STAG1: variants seen among roughly 807,000 people sequenced by gnomAD.
STAG1 encodes cohesin subunit SA-1.
A neutral mutation model predicts 170.9 loss-of-function variants in STAG1; 26 were observed. The ratio of observed to expected loss-of-function variants is 0.15; its 90% CI spans 0.11 to 0.21. The LOEUF (loss-of-function observed/expected upper bound fraction) is 0.21, where lower values mean the gene tolerates loss of function less well. Ranked by LOEUF, STAG1 falls within the 10% of genes least tolerant of loss-of-function variation. STAG1 has a pLI of 1.00. For synonymous variants in STAG1, 514 were observed against 497.7 expected (o/e 1.03, Z -0.44); for missense variants, 964 against 1,509.5 (o/e 0.64, Z 5.99).
At chr3:136,447,482 A>AT (rs1273792716) in intron 14 of STAG1, among the ~76,000 whole-genome samples, 2 of 152,154 alleles carry the variant, frequency 1.3e-5, no homozygotes, top group East Asian at 3.9e-4. Flanking sequence ...AAATAAAACA[A>AT]TAAAAAAAGA....
chr3:136,365,053 G>A (rs1353799588), intron 25 of STAG1, among the ~76,000 whole-genome samples: 1 of 152,104 alleles, frequency 6.6e-6, no homozygotes, highest in Non-Finnish European at 1.5e-5. Flanking sequence ...TATCAGAAGA[G>A]CAAATAGCTA....
At chr3:136,598,455 C>A (rs1203180318) in intron 4 of STAG1, among the ~76,000 whole-genome samples, 2 of 149,322 alleles carry the variant, frequency 1.3e-5, no homozygotes, top group Non-Finnish European at 3.0e-5. Context: ...GAGACGGAGT[C>A]TCGCTCTGTT....
Position 136,703,066 on chromosome 3 carries a change from CAA to C in STAG1, c.-84+49127_-84+49128del, listed in dbSNP as rs1157305676. Among the ~76,000 whole-genome samples the C allele has an allele frequency of 7.3e-3, 549 of 75,710 alleles. 3 individuals are homozygous for C. The highest frequency in any genetic ancestry group is 0.031 in the South Asian group (71 of 2,318). The allele number at this position is 75,710 out of a possible 152,430, so 49.7% of individuals were successfully genotyped here. A position where few individuals can be genotyped will look rare whatever the true frequency, so the allele number is the denominator to read the frequency against. On this transcript the variant is annotated intron_variant, in intron 1 of 33. Transcript: ENST00000383202. The stretch of plus-strand genomic sequence containing the variant: ...CTGGCAACAGAGGAAGACTCCATCT[CAA>C]AAAAAAAAAAAAAAAAAAAGTAAAG...
chr3:136,716,826 T>G (rs1412959538), intron 1 of STAG1, among the ~76,000 whole-genome samples: 1 of 152,224 alleles, frequency 6.6e-6, no homozygotes. Flanking sequence ...AAGCATAAAC[T>G]TTCCAATTAA....
intron 1 of STAG1, among the ~76,000 whole-genome samples, chr3:136,694,224 A>C (rs1027150877): frequency 2.6e-5 from 4 of 152,172 alleles, no homozygotes; most frequent in Admixed American, 1.3e-4. Flanking sequence ...ATCGTAGGCC[A>C]GAAGCTGAGG....
At chr3:136,468,624 A>C (rs1044425361) in intron 12 of STAG1, among the ~76,000 whole-genome samples, 15 of 152,352 alleles carry the variant, frequency 9.8e-5, no homozygotes, top group African/African-American at 2.6e-4. Context: ...TCCAATCAAC[A>C]GAAAAAGAGG....
intron 1 of STAG1, among the ~76,000 whole-genome samples, chr3:136,716,974 T>G (rs781645389): frequency 6.6e-6 from 1 of 152,248 alleles, no homozygotes; most frequent in Non-Finnish European, 1.5e-5. Flanking sequence ...TTTGGAATGA[T>G]AACAACAACA....
At chr3:136,594,697 G>C (rs1238338281) in intron 4 of STAG1, among the ~76,000 whole-genome samples, 1 of 152,176 alleles carries the variant, frequency 6.6e-6, no homozygotes, top group Non-Finnish European at 1.5e-5. Flanking sequence ...GTAAGGGTCA[G>C]GTGAGTTTAA....
intron 4 of STAG1, among the ~76,000 whole-genome samples, chr3:136,569,761 TTAG>T (rs1359756133): frequency 6.6e-6 from 1 of 151,990 alleles, no homozygotes; most frequent in African/African-American, 2.4e-5. Context: ...TATAAATGGA[TTAG>T]TAGCTTGTTC....
intron 9 of STAG1, among the ~76,000 whole-genome samples, chr3:136,498,257 C>CACACATACAT (rs1553733393): frequency 1.2e-5 from 1 of 83,676 alleles, no homozygotes; most frequent in African/African-American, 6.3e-5. Flanking sequence ...CATACACACA[C>CACACATACAT]ACACACACAC....
At chr3:136,611,865 T>C (rs148264193) in intron 3 of STAG1, among the ~76,000 whole-genome samples, 96 of 151,420 alleles carry the variant, frequency 6.3e-4, no homozygotes, top group African/African-American at 2.3e-3. Flanking sequence ...TTTTTTTTTA[T>C]AAGACAGAGT....
At chr3:136,448,026 A>G (rs560355461) in intron 14 of STAG1, among the ~76,000 whole-genome samples, 6 of 152,256 alleles carry the variant, frequency 3.9e-5, no homozygotes, top group Non-Finnish European at 7.4e-5. Flanking sequence ...TCTAAAATAC[A>G]AGGTATTTTG....
rs1031964674 is a variant in STAG1 at position 136,337,588 on chromosome 3, C to G, written c.*666G>C. ...TGCCCACTTATAAATAAAAATAAAC[C>G]TTTTATTCAAGAGTATATAAAATCT... On this transcript the variant is annotated 3_prime_UTR_variant, in exon 34 of 34. Coordinates refer to ENST00000383202, the MANE Select transcript of STAG1 (RefSeq NM_005862.3). 6.6e-6 allele frequency: 1 copy of G among 152,542 alleles called. No individual in the cohort carries two copies. The highest frequency in any genetic ancestry group is 1.5e-5 in the Non-Finnish European group (1 of 68,022). The allele number at this position is 152,542 out of a possible 1,614,324, so 9.4% of individuals were successfully genotyped here.
intron 1 of STAG1, among the ~76,000 whole-genome samples, chr3:136,747,777 AT>A (rs755574502): frequency 1.7e-3 from 248 of 143,582 alleles, no homozygotes; most frequent in Middle Eastern, 0.011. Context: ...GAATTACGTA[AT>A]TTTTTTTTTT....
intron 9 of STAG1, among the ~76,000 whole-genome samples, chr3:136,488,857 AT>A (rs1331697391): frequency 2.6e-5 from 4 of 152,204 alleles, no homozygotes; most frequent in Admixed American, 6.5e-5. Flanking sequence ...AGTCCTCCAA[AT>A]TTTATGTTTT....
At chr3:136,465,756 C>A (rs1269689267) in intron 12 of STAG1, among the ~76,000 whole-genome samples, 3 of 151,848 alleles carry the variant, frequency 2.0e-5, no homozygotes, top group Non-Finnish European at 4.4e-5. Flanking sequence ...TCTTCCTCAG[C>A]AATAACCAAG....
intron 1 of STAG1, among the ~76,000 whole-genome samples, chr3:136,714,966 T>TATATAA (rs1393561506): frequency 2.0e-5 from 2 of 102,462 alleles, no homozygotes; most frequent in South Asian, 2.8e-4. Context: ...TATATATATT[T>TATATAA]TATATATATA....
chr3:136,622,603 T>A (rs747027545), intron 3 of STAG1, among the ~76,000 whole-genome samples: 4 of 152,178 alleles, frequency 2.6e-5, no homozygotes, highest in Non-Finnish European at 5.9e-5. Context: ...AATCACATCA[T>A]AAAAGCAAAC....
intron 3 of STAG1, among the ~76,000 whole-genome samples, chr3:136,620,194 T>C (rs1939782771): frequency 6.6e-6 from 1 of 151,668 alleles, no homozygotes; most frequent in South Asian, 2.1e-4. Flanking sequence ...ATACAAGAAA[T>C]GCCTTTTAAA....
Sources: allele counts gnomAD v4.1 joint callset (sites outside exome capture counted in the v4.1 genomes callset), GRCh38; gene constraint gnomAD v4.1.1; transcripts MANE v1.5; gene names NCBI Gene and HGNC (gene_info 2026-07-23, HGNC 2026-07-21).